CNTNAP2: variants seen among roughly 807,000 people sequenced by gnomAD.
CNTNAP2 encodes contactin associated protein 2.
Under a neutral mutation model 155.2 loss-of-function variants are expected in CNTNAP2, and 98 were observed. The ratio of observed to expected loss-of-function variants is 0.63; its 90% CI spans 0.54 to 0.75. The LOEUF is 0.75. Among genes scored for constraint, CNTNAP2 ranks in the 30% least tolerant of loss-of-function variants. The pLI, the probability that CNTNAP2 is intolerant of heterozygous loss-of-function variation, is 0.00. For synonymous variants in CNTNAP2, 651 were observed against 631.2 expected (o/e 1.03, Z -0.47); for missense variants, 1,727 against 1,688.1 (o/e 1.02, Z -0.40).
chr7:147,966,012 A>G (rs910466229), intron 14 of CNTNAP2, among the ~76,000 whole-genome samples: 2 of 152,140 alleles, frequency 1.3e-5, no homozygotes, highest in Admixed American at 1.3e-4. Context: ...CCTTCAAATC[A>G]GTCTTTTGTA....
intron 17 of CNTNAP2, among the ~76,000 whole-genome samples, chr7:148,165,826 G>T (rs1044481093): frequency 6.6e-6 from 1 of 152,144 alleles, no homozygotes; most frequent in African/African-American, 2.4e-5. Flanking sequence ...TAACCTGCAG[G>T]CAAGAAGCAC....
intron 1 of CNTNAP2, among the ~76,000 whole-genome samples, chr7:146,458,932 C>T (rs1439531690): frequency 6.6e-6 from 1 of 152,158 alleles, no homozygotes; most frequent in Non-Finnish European, 1.5e-5. Context: ...TATATATACA[C>T]ATCCTATTGG....
chr7:146,373,132 GGGCAAATAGATCCACCTT>G (rs889875038), intron 1 of CNTNAP2, among the ~76,000 whole-genome samples: 1 of 152,112 alleles, frequency 6.6e-6, no homozygotes, highest in African/African-American at 2.4e-5. Flanking sequence ...ATCCTTCTCA[GGGCAAATAGATCCACCTT>G]GGAGAAAAGA....
intron 21 of CNTNAP2, among the ~76,000 whole-genome samples, chr7:148,341,743 G>A (rs867232061): frequency 3.9e-5 from 6 of 152,190 alleles, no homozygotes; most frequent in South Asian, 4.1e-4. Context: ...TGGCTTTGAT[G>A]TTCTCTCACT....
chr7:146,164,253 T>G (rs551902413), intron 1 of CNTNAP2, among the ~76,000 whole-genome samples: 16 of 141,620 alleles, frequency 1.1e-4, no homozygotes, highest in Non-Finnish European at 2.0e-4. Flanking sequence ...TAAGACTTCA[T>G]TAAACACACA....
At chr7:148,293,140 GC>G (rs1797219902) in intron 21 of CNTNAP2, among the ~76,000 whole-genome samples, 1 of 151,932 alleles carries the variant, frequency 6.6e-6, no homozygotes, top group South Asian at 2.1e-4. Flanking sequence ...TTGTTCTAAT[GC>G]TTTCTTTTTC....
chr7:147,563,530 A>G (rs1040644782), intron 12 of CNTNAP2, among the ~76,000 whole-genome samples: 73 of 151,984 alleles, frequency 4.8e-4, no homozygotes, highest in African/African-American at 1.6e-3. Flanking sequence ...TCAGGAGGCT[A>G]AGGCAGGAGA....
At chr7:146,637,259 G>T (rs1051529318) in intron 1 of CNTNAP2, among the ~76,000 whole-genome samples, 2 of 152,062 alleles carry the variant, frequency 1.3e-5, no homozygotes, top group South Asian at 2.1e-4. Context: ...AAACACAAAG[G>T]CATAGTTTTT....
intron 1 of CNTNAP2, among the ~76,000 whole-genome samples, chr7:146,304,613 C>T (rs1310423064): frequency 1.1e-4 from 17 of 152,116 alleles, no homozygotes; most frequent in Admixed American, 1.1e-3. Flanking sequence ...TCTCTGCTGG[C>T]TTGTAGAATT....
At chr7:146,960,616 C>T (rs1797537793) in intron 3 of CNTNAP2, among the ~76,000 whole-genome samples, 1 of 152,180 alleles carries the variant, frequency 6.6e-6, no homozygotes, top group South Asian at 2.1e-4. Flanking sequence ...AATTTATCAA[C>T]AATCTGAGAT....
At position 148,414,109 on chromosome 7, in the gene CNTNAP2, CCCCCT is replaced by C. The variant is rs796626695; in HGVS notation, c.3797-1306_3797-1302del. On this transcript the variant is annotated intron_variant, in intron 23 of 23. Coordinates refer to ENST00000361727, the MANE Select transcript of CNTNAP2 (RefSeq NM_014141.6). ...TTTTTTTAGACAGAGTCCCCCCCCCCCCCCTCACACAAGCTGGAGTGCAGTGGCAC... is the reference window on the plus strand; with the variant it reads ...TTTTTTTAGACAGAGTCCCCCCCCCCCACACAAGCTGGAGTGCAGTGGCAC... Among the ~76,000 whole-genome samples, 895 of 143,116 alleles carry C rather than the reference CCCCCT, an allele frequency of 6.3e-3. 5 individuals carry two copies. The highest frequency in any genetic ancestry group is 0.021 in the African/African-American group (798 of 37,568). 93.9% of individuals were successfully genotyped at this position (143,116 alleles called of 152,430 possible).
intron 21 of CNTNAP2, among the ~76,000 whole-genome samples, 176 bp from the exon 22 acceptor site, chr7:148,383,473 A>C (rs1799115356): frequency 6.6e-6 from 1 of 152,182 alleles, no homozygotes; most frequent in African/African-American, 2.4e-5. Context: ...GGTTCCTTTA[A>C]AGTCAAGTAT....
chr7:146,258,172 G>T (rs112871155), intron 1 of CNTNAP2, among the ~76,000 whole-genome samples: 3 of 152,102 alleles, frequency 2.0e-5, no homozygotes, highest in Non-Finnish European at 2.9e-5. Context: ...GATTACAGGC[G>T]TGGGCCACCA....
At chr7:147,563,093 T>C (rs541975785) in intron 12 of CNTNAP2, among the ~76,000 whole-genome samples, 22 of 152,330 alleles carry the variant, frequency 1.4e-4, no homozygotes, top group African/African-American at 5.3e-4. Context: ...CACTTGAGTT[T>C]ACATCCTGGC....
intron 3 of CNTNAP2, among the ~76,000 whole-genome samples, chr7:147,005,169 A>T (rs774587564): frequency 6.6e-6 from 1 of 151,996 alleles, no homozygotes; most frequent in Non-Finnish European, 1.5e-5. Flanking sequence ...TAAATCTGGG[A>T]GGTGTGACAT....
Position 147,418,206 on chromosome 7 carries a change from T to C in CNTNAP2, c.1670+22426T>C, listed in dbSNP as rs570530545. Among the ~76,000 whole-genome samples, 45 of 152,320 alleles carry C rather than the reference T, an allele frequency of 3.0e-4. 2 individuals are homozygous for C. The South Asian group carries it at 8.9e-3, about 30-fold the overall frequency. On this transcript the variant is annotated intron_variant, in intron 10 of 23. Transcript: ENST00000361727. The stretch of plus-strand genomic sequence containing the variant: ...ATTTCTACAATAAAAGATTCATTGA[T>C]GGAAAGTCAAAAAGTTTGATTTCTG...
At chr7:147,332,858 C>T (rs1377136848) in intron 9 of CNTNAP2, among the ~76,000 whole-genome samples, 1 of 151,992 alleles carries the variant, frequency 6.6e-6, no homozygotes, top group African/African-American at 2.4e-5. Flanking sequence ...TGAGACTCCA[C>T]CTCAAAAAAT....
chr7:146,345,005 C>G (rs1333524032), intron 1 of CNTNAP2, among the ~76,000 whole-genome samples: 1 of 152,134 alleles, frequency 6.6e-6, no homozygotes, highest in East Asian at 1.9e-4. Context: ...GGTCAATGAA[C>G]AGATGGTTCT....
At chr7:147,967,342 T>C (rs1407096046) in intron 14 of CNTNAP2, among the ~76,000 whole-genome samples, 8 of 152,230 alleles carry the variant, frequency 5.3e-5, no homozygotes, top group African/African-American at 1.9e-4. Flanking sequence ...CATGCATCTT[T>C]CCTTCTTAAA....
Sources: gnomAD v4.1 joint callset for allele counts (sites outside exome capture counted in the v4.1 genomes callset) on GRCh38, gnomAD v4.1.1 for gene constraint, MANE v1.5 for transcripts, NCBI Gene and HGNC (gene_info 2026-07-23, HGNC 2026-07-21) for gene names.